NRG3: variants seen among roughly 807,000 people sequenced by gnomAD.
The protein encoded by NRG3 is pro-neuregulin-3, membrane-bound isoform.
A neutral mutation model predicts 66.9 loss-of-function variants in NRG3; 31 were observed. The ratio of observed to expected loss-of-function variants is 0.46; its 90% CI spans 0.35 to 0.63. The LOEUF (loss-of-function observed/expected upper bound fraction) is 0.63. Ranked by LOEUF, NRG3 falls within the 20% of genes least tolerant of loss-of-function variation. NRG3 has a pLI of 0.00. For missense variants in NRG3, 910 were observed against 878.9 expected, an observed-to-expected ratio of 1.04 and a Z score of -0.45; for synonymous variants, 393 against 359.4, an observed-to-expected ratio of 1.09 and a Z score of -1.06.
intron 1 of NRG3, among the ~76,000 whole-genome samples, chr10:82,063,046 T>C (rs2064249717): frequency 6.6e-6 from 1 of 152,194 alleles, no homozygotes; most frequent in Non-Finnish European, 1.5e-5. Flanking sequence ...GCCAAGGACT[T>C]GAGTACCTCC....
At chr10:82,182,777 A>G (rs771800937) in intron 1 of NRG3, among the ~76,000 whole-genome samples, 26 of 151,868 alleles carry the variant, frequency 1.7e-4, no homozygotes, top group Non-Finnish European at 3.4e-4. Context: ...TTCAGTTTCA[A>G]TTTTTAGTAC....
chr10:82,894,646 A>G (rs1207855380), intron 4 of NRG3, among the ~76,000 whole-genome samples: 1 of 152,154 alleles, frequency 6.6e-6, no homozygotes, highest in Non-Finnish European at 1.5e-5. Flanking sequence ...GACTCAATTC[A>G]TCTATTACCT....
chr10:82,130,693 G>A (rs986393990), intron 1 of NRG3, among the ~76,000 whole-genome samples: 1 of 151,930 alleles, frequency 6.6e-6, no homozygotes, highest in East Asian at 1.9e-4. Flanking sequence ...CCACATTCTC[G>A]CCAGCATTTG....
At chr10:82,527,336 T>A (rs1255254872) in intron 2 of NRG3, among the ~76,000 whole-genome samples, 2 of 151,926 alleles carry the variant, frequency 1.3e-5, no homozygotes, top group African/African-American at 4.8e-5. Flanking sequence ...TTAGTAAATA[T>A]AATTGTTTAG....
intron 2 of NRG3, among the ~76,000 whole-genome samples, chr10:82,536,926 T>C (rs1847869877): frequency 6.6e-6 from 1 of 151,656 alleles, no homozygotes; most frequent in South Asian, 2.1e-4. Flanking sequence ...AATGAGGATT[T>C]ATTAACTTAT....
chr10:82,728,697 G>C (rs373284636), intron 2 of NRG3, among the ~76,000 whole-genome samples: 4 of 152,148 alleles, frequency 2.6e-5, no homozygotes, highest in African/African-American at 9.7e-5. Flanking sequence ...ACAACTGAAG[G>C]AATCTCCCAA....
chr10:82,775,116 G>T (rs11195900), intron 3 of NRG3, among the ~76,000 whole-genome samples: 3 of 151,446 alleles, frequency 2.0e-5, no homozygotes, highest in Non-Finnish European at 4.4e-5. Flanking sequence ...GTGAGCCACC[G>T]TGCCCAGCCT....
At chr10:81,903,727 A>C (rs1205082884) in intron 1 of NRG3, among the ~76,000 whole-genome samples, 1 of 152,168 alleles carries the variant, frequency 6.6e-6, no homozygotes, top group Non-Finnish European at 1.5e-5. Flanking sequence ...CAACAGTACA[A>C]ATTGCTGTTG....
chr10:82,116,595 G>A (rs2067735566), intron 1 of NRG3, among the ~76,000 whole-genome samples: 1 of 152,106 alleles, frequency 6.6e-6, no homozygotes, highest in South Asian at 2.1e-4. Flanking sequence ...GCTCATTTAA[G>A]AGCCTATATT....
chr10:82,221,949 C>T (rs1300791767), intron 1 of NRG3, among the ~76,000 whole-genome samples: 1 of 151,890 alleles, frequency 6.6e-6, no homozygotes, highest in Non-Finnish European at 1.5e-5. Context: ...GTAACCTACT[C>T]CCAAATCCTC....
At chr10:82,333,243 G>T (rs909566023) in intron 1 of NRG3, among the ~76,000 whole-genome samples, 1 of 152,176 alleles carries the variant, frequency 6.6e-6, no homozygotes, top group African/African-American at 2.4e-5. Flanking sequence ...GATCTCCCCA[G>T]TGGGCTGCAG....
intron 1 of NRG3, among the ~76,000 whole-genome samples, chr10:81,897,952 A>T (rs1843672895): frequency 6.6e-6 from 1 of 152,072 alleles, no homozygotes; most frequent in Admixed American, 6.5e-5. Context: ...AAAATAATAT[A>T]CCCATGCCCC....
At chr10:82,951,341 C>G (rs539199500) in intron 4 of NRG3, 128 bp from the exon 5 acceptor site, 3 of 630,490 alleles carry the variant, frequency 4.8e-6, no homozygotes, top group Non-Finnish European at 8.5e-6. Flanking sequence ...CTTGTTTTTT[C>G]CCTATTTATG....
chr10:82,724,937 C>G (rs1287599537), intron 2 of NRG3, among the ~76,000 whole-genome samples: 1 of 152,140 alleles, frequency 6.6e-6, no homozygotes, highest in Admixed American at 6.5e-5. Flanking sequence ...CTACACAACC[C>G]AGGCAGAGAA....
chr10:82,497,024 A>G (rs536337182), intron 2 of NRG3, among the ~76,000 whole-genome samples: 1 of 152,268 alleles, frequency 6.6e-6, no homozygotes, highest in Non-Finnish European at 1.5e-5. Flanking sequence ...TCTCAGTTAC[A>G]GGACTAGCTA....
Position 82,557,048 on chromosome 10 carries a change from C to T in NRG3, c.954-181529C>T, listed in dbSNP as rs143374544. On this transcript the variant is annotated intron_variant, in intron 2 of 8. Coordinates refer to ENST00000372141, the MANE Select transcript of NRG3 (RefSeq NM_001010848.4). ...CTTTATCCAGTCTGTCATTGATGGGCGTTGAGGTTGATTCCATGTCTTTGC... is the reference window on the plus strand; with the variant it reads ...CTTTATCCAGTCTGTCATTGATGGGTGTTGAGGTTGATTCCATGTCTTTGC... 6.6e-5 allele frequency among the ~76,000 whole-genome samples: 10 copies of T among 152,194 alleles called. No homozygotes were observed. In the East Asian group the frequency reaches 1.2e-3, roughly 18 times the overall value.
At chr10:82,792,702 C>T (rs777270217) in intron 3 of NRG3, among the ~76,000 whole-genome samples, 69 of 151,094 alleles carry the variant, frequency 4.6e-4, no homozygotes, top group South Asian at 1.5e-3. Context: ...ATTTTTTTGA[C>T]GGAGTTTTGC....
chr10:82,129,722 G>A (rs927813766), intron 1 of NRG3, among the ~76,000 whole-genome samples: 14 of 151,642 alleles, frequency 9.2e-5, no homozygotes, highest in African/African-American at 2.4e-4. Context: ...CACCATGCCC[G>A]GCTAATTTTT....
chr10:82,842,797 T>C lies in NRG3; in HGVS notation c.1028-22614T>C, dbSNP rs536866222. On this transcript the variant is annotated intron_variant, in intron 3 of 8. Transcript: ENST00000372141. Reference sequence around the variant, plus strand: ...TTGTAGTGGTGGTATTATATGTCGCTGCTGCCTCAAACTTCTGGCCTCAAG... The same window carrying C: ...TTGTAGTGGTGGTATTATATGTCGCCGCTGCCTCAAACTTCTGGCCTCAAG... Among the ~76,000 whole-genome samples, 3 of 151,874 alleles carry C rather than the reference T, an allele frequency of 2.0e-5. No individual in the cohort carries two copies. In the East Asian group the frequency reaches 5.8e-4, roughly 29 times the overall value.
Sources: gnomAD v4.1 joint callset for allele counts (sites outside exome capture counted in the v4.1 genomes callset) on GRCh38, gnomAD v4.1.1 for gene constraint, MANE v1.5 for transcripts, NCBI Gene and HGNC (gene_info 2026-07-23, HGNC 2026-07-21) for gene names.